The following PPME1 variants were observed in gnomAD, a reference collection of about 807,000 sequenced individuals.
PPME1 encodes protein phosphatase methylesterase 1.
PPME1 carries 17 observed loss-of-function variants against 56.9 expected under a neutral mutation model. The ratio of observed to expected loss-of-function variants is 0.30; its 90% CI spans 0.20 to 0.45. The LOEUF (loss-of-function observed/expected upper bound fraction) is 0.45. PPME1 is among the 20% of genes least tolerant of loss of function. The pLI, the probability that PPME1 is intolerant of heterozygous loss-of-function variation, is 1.00. For missense variants in PPME1, 357 were observed against 483.2 expected (o/e 0.74, Z 2.45); for synonymous variants, 122 against 156.2 (o/e 0.78, Z 1.63).
chr11:74,239,191 G>T lies in PPME1; in HGVS notation c.769G>T (p.Glu257Ter), dbSNP rs1209742146. The change falls in exon 9 of 14, where the codon GAA (glutamate) becomes TAA (stop). Residue 257 changes from glutamate (E) to a stop codon, truncating the protein, a stop_gained. Coordinates refer to ENST00000328257, the MANE Select transcript of PPME1 (RefSeq NM_016147.3). LOFTEE classifies it high-confidence loss of function. ...SKSIVEGIIE[E>*]EEEDEEGSES... is the part of the protein sequence containing the mutation. ...ATCTATAGTGGAAGGAATCATAGAGGAAGAAGAAGAAGATGAGGAAGGAAG... is the reference window on the plus strand; with the variant it reads ...ATCTATAGTGGAAGGAATCATAGAGTAAGAAGAAGAAGATGAGGAAGGAAG... The T allele has an allele frequency of 6.2e-7, 1 of 1,611,792 alleles. No homozygotes were observed. The highest frequency in any genetic ancestry group is 1.3e-5 in the African/African-American group (1 of 74,848).
intron 3 of PPME1, among the ~76,000 whole-genome samples, chr11:74,219,141 C>T (rs1858731677): frequency 6.6e-6 from 1 of 152,028 alleles, no homozygotes; most frequent in Non-Finnish European, 1.5e-5. Flanking sequence ...AGGTGCTCAA[C>T]ATCACTGATC....
intron 3 of PPME1, among the ~76,000 whole-genome samples, chr11:74,215,601 AAGAAG>A (rs1386714170): frequency 2.2e-4 from 33 of 152,176 alleles, no homozygotes; most frequent in Non-Finnish European, 5.9e-5. Context: ...AAAGACAGGA[AAGAAG>A]AGAAGACCAC....
In PPME1 at chr11:74,225,191, T is replaced by C; in HGVS notation, c.347-14T>C. On this transcript the variant is annotated splice_polypyrimidine_tract_variant and intron_variant, in intron 4 of 13. Transcript: ENST00000328257. The stretch of plus-strand genomic sequence containing the variant: ...GTCTGTGGGAATTTTATTTTTAAAA[T>C]ATTTTCATTTTAGGTGAAACAAAGG... 1 of 1,510,110 alleles carries C rather than the reference T, an allele frequency of 6.6e-7. No homozygotes were observed. The highest frequency in any genetic ancestry group is 1.3e-5 in the South Asian group (1 of 79,878). 93.5% of individuals were successfully genotyped at this position (1,510,110 alleles called of 1,614,324 possible).
intron 1 of PPME1, among the ~76,000 whole-genome samples, chr11:74,186,760 GA>G (rs1857693925): frequency 6.6e-6 from 1 of 152,192 alleles, no homozygotes; most frequent in African/African-American, 2.4e-5. Context: ...ACTACTTGTA[GA>G]AAGAGAATGA....
chr11:74,191,666 C>T (rs1303792049), intron 1 of PPME1, among the ~76,000 whole-genome samples: 1 of 152,248 alleles, frequency 6.6e-6, no homozygotes, highest in East Asian at 1.9e-4. Flanking sequence ...ATCCTGGCTA[C>T]TCATGCTCCA....
At chr11:74,238,992 T>C (rs1371456273) in intron 8 of PPME1, 141 bp from the exon 9 acceptor site, 2 of 836,204 alleles carry the variant, frequency 2.4e-6, no homozygotes, top group Non-Finnish European at 3.6e-6. Flanking sequence ...GCCCTGGAAA[T>C]GCACAATTCT....
At chr11:74,236,649 C>G (rs572923480) in intron 8 of PPME1, among the ~76,000 whole-genome samples, 1 of 152,258 alleles carries the variant, frequency 6.6e-6, no homozygotes, top group African/African-American at 2.4e-5. Context: ...AAGAGTGATA[C>G]AGTGGATGGA....
chr11:74,217,982 G>A (rs1405773892), intron 3 of PPME1, among the ~76,000 whole-genome samples: 2 of 152,080 alleles, frequency 1.3e-5, no homozygotes, highest in Non-Finnish European at 1.5e-5. Flanking sequence ...AAAGGAAAAA[G>A]TAAATTATCC....
chr11:74,235,871 C>T (rs904693597), intron 7 of PPME1, 30 bp from the exon 8 acceptor site: 1 of 1,594,834 alleles, frequency 6.3e-7, no homozygotes, highest in South Asian at 1.1e-5. Flanking sequence ...TACTGAATAA[C>T]CTTCTCTCTT....
intron 8 of PPME1, among the ~76,000 whole-genome samples, chr11:74,236,680 A>C (rs997340597): frequency 6.6e-6 from 1 of 152,148 alleles, no homozygotes; most frequent in Non-Finnish European, 1.5e-5. Context: ...CCCATTGTCC[A>C]TTTTCAATGG....
intron 1 of PPME1, among the ~76,000 whole-genome samples, chr11:74,200,948 G>A (rs1246432518): frequency 2.0e-5 from 3 of 151,800 alleles, no homozygotes; most frequent in East Asian, 1.9e-4. Flanking sequence ...AGTCTCTCCC[G>A]AGTGGCAGGA....
At chr11:74,246,935 A>G in intron 10 of PPME1, 144 bp from the exon 11 acceptor site, 1 of 699,336 alleles carries the variant, frequency 1.4e-6, no homozygotes, top group East Asian at 2.8e-5. Context: ...GAAAAGTTTT[A>G]TCTGGTGGTG....
intron 3 of PPME1, among the ~76,000 whole-genome samples, chr11:74,213,592 A>C (rs1858538035): frequency 6.6e-6 from 1 of 152,224 alleles, no homozygotes; most frequent in Admixed American, 6.5e-5. Context: ...CCACAGGGGT[A>C]CTTGTGTCAC....
intron 5 of PPME1, among the ~76,000 whole-genome samples, chr11:74,228,180 T>C (rs367752400): frequency 1.3e-5 from 2 of 151,948 alleles, no homozygotes; most frequent in East Asian, 3.9e-4. Flanking sequence ...CAAAATTGTA[T>C]CCAATATTGT....
chr11:74,186,007 G>A (rs1396308142), intron 1 of PPME1, among the ~76,000 whole-genome samples: 3 of 152,198 alleles, frequency 2.0e-5, no homozygotes, highest in South Asian at 2.1e-4. Context: ...TCTGCTTAAT[G>A]CAAGACATTT....
intron 1 of PPME1, among the ~76,000 whole-genome samples, chr11:74,181,542 G>A (rs1030634246): frequency 1.3e-5 from 2 of 152,158 alleles, no homozygotes; most frequent in African/African-American, 4.8e-5. Flanking sequence ...GCAGATTTTT[G>A]TGTGTTTCCT....
chr11:74,207,452 T>G (rs942082413), intron 3 of PPME1, among the ~76,000 whole-genome samples: 1 of 152,202 alleles, frequency 6.6e-6, no homozygotes, highest in Non-Finnish European at 1.5e-5. Context: ...CTTGGGAAAC[T>G]TTTATCTGTA....
intron 1 of PPME1, among the ~76,000 whole-genome samples, chr11:74,190,044 A>C (rs1019164767): frequency 6.6e-6 from 1 of 152,254 alleles, no homozygotes; most frequent in Non-Finnish European, 1.5e-5. Context: ...GACACAAGTC[A>C]AAACAGAGCA....
chr11:74,203,851 G>C (rs773615028), intron 2 of PPME1, 30 bp downstream of exon 2: 1 of 1,480,004 alleles, frequency 6.8e-7, no homozygotes, highest in Admixed American at 1.8e-5. Context: ...TTATTCTTTA[G>C]TGAGCTTATG....
Sources: allele counts gnomAD v4.1 joint callset (sites outside exome capture counted in the v4.1 genomes callset), GRCh38; gene constraint gnomAD v4.1.1; transcripts MANE v1.5; gene names NCBI Gene and HGNC (gene_info 2026-07-23, HGNC 2026-07-21).